ARL5B: variants seen among roughly 807,000 people sequenced by gnomAD.
ARL5B encodes ARF like GTPase 5B, also known as ADP-ribosylation factor-like protein 5B.
In ARL5B, 10 loss-of-function variants were observed where a neutral mutation model predicts 26.9. The ratio of observed to expected loss-of-function variants is 0.37; its 90% CI spans 0.23 to 0.63. ARL5B has a LOEUF of 0.63. Among genes scored for constraint, ARL5B ranks in the 30% least tolerant of loss-of-function variants. The pLI, the probability that ARL5B is intolerant of heterozygous loss-of-function variation, is 0.62. For missense variants in ARL5B, 167 were observed against 213.9 expected (o/e 0.78, Z 1.37); for synonymous variants, 87 against 70.4 (o/e 1.24, Z -1.18).
At position 18,664,687 on chromosome 10, in the gene ARL5B, C is replaced by T. The variant is rs1265303960; in HGVS notation, c.47-1888C>T. On this transcript the variant is annotated intron_variant, in intron 1 of 5. Coordinates refer to ENST00000377275, the MANE Select transcript of ARL5B (RefSeq NM_178815.5). ...TCTCCTGACCTCGTGATCCTCCCAC[C>T]TCGGCCTCCCAAAGTGCTAAGATTA... Among the ~76,000 whole-genome samples the T allele has an allele frequency of 2.0e-5, 3 of 151,982 alleles. 1 individual carries two copies. Among genetic ancestry groups the T allele is most frequent in the Admixed American group, 6.6e-5 (1 of 15,258 alleles).
At chr10:18,675,098 AAAT>A in intron 5 of ARL5B, 67 bp from the exon 6 acceptor site, 2 of 1,463,696 alleles carry the variant, frequency 1.4e-6, no homozygotes, top group East Asian at 2.3e-5. Flanking sequence ...TAAGACCTAA[AAAT>A]AATAAGTACG....
rs1178293653 is a variant in ARL5B at position 18,680,356 on chromosome 10, C to A, written c.*5140C>A. The A allele has an allele frequency of 6.6e-6, 1 of 152,012 alleles. No individual in the cohort carries two copies. The highest frequency in any genetic ancestry group is 1.5e-5 in the Non-Finnish European group (1 of 67,922). The allele number at this position is 152,012 out of a possible 1,614,324, so 9.4% of individuals were successfully genotyped here. ...GATATATGAGATTCACATATGGTTT[C>A]ATTAAAGCACATAGGAAAGTGCTCA... On this transcript the variant is annotated 3_prime_UTR_variant, in exon 6 of 6. Transcript: ENST00000377275.
Position 18,680,680 on chromosome 10 carries a change from T to G in ARL5B, c.*5464T>G, listed in dbSNP as rs1202609214. 2 of 152,172 alleles carry G rather than the reference T, an allele frequency of 1.3e-5. No homozygotes were observed. The highest frequency in any genetic ancestry group is 4.1e-4 in the South Asian group (2 of 4,830). 9.4% of individuals were successfully genotyped at this position (152,172 alleles called of 1,614,324 possible). On this transcript the variant is annotated 3_prime_UTR_variant, in exon 6 of 6. Transcript: ENST00000377275. ...TTTTATTTATGACTTAAAAAAAGTT[T>G]AGCTGCTATTTCAGTGAAAGTGTAA...
intron 1 of ARL5B, among the ~76,000 whole-genome samples, chr10:18,662,180 A>G (rs1364171119): frequency 1.3e-5 from 2 of 152,214 alleles, no homozygotes; most frequent in African/African-American, 4.8e-5. Context: ...CCTCACACCA[A>G]CTAAATTAGA....
chr10:18,659,893 G>GTT, intron 1 of ARL5B: 1 of 985,334 alleles, frequency 1.0e-6, no homozygotes, highest in Non-Finnish European at 1.2e-6. Flanking sequence ...AGAAGAGAAG[G>GTT]TATTTGGCGT....
At chr10:18,662,706 G>GTT (rs567866255) in intron 1 of ARL5B, among the ~76,000 whole-genome samples, 4 of 135,922 alleles carry the variant, frequency 2.9e-5, no homozygotes, top group Non-Finnish European at 3.2e-5. Context: ...TTGTTTGTTT[G>GTT]TTTTTTTTTT....
At chr10:18,674,352 A>G (rs1327769090) in intron 5 of ARL5B, among the ~76,000 whole-genome samples, 1 of 152,256 alleles carries the variant, frequency 6.6e-6, no homozygotes, top group African/African-American at 2.4e-5. Context: ...ATGTTTTACC[A>G]AAAAGCAATA....
rs2059927676 is a variant in ARL5B at position 18,680,446 on chromosome 10, T to C, written c.*5230T>C. On this transcript the variant is annotated 3_prime_UTR_variant, in exon 6 of 6. Coordinates refer to ENST00000377275, the MANE Select transcript of ARL5B (RefSeq NM_178815.5). ...AAATCCTAAATTTGATGGATTCTTT[T>C]ATACTGTGAATATATTTCCATCAGT... is the stretch of plus-strand genomic sequence containing the variant. 6.6e-6 allele frequency: 1 copy of C among 152,252 alleles called. No individual in the cohort carries two copies. Among genetic ancestry groups the C allele is most frequent in the South Asian group, 2.1e-4 (1 of 4,826 alleles). The allele number at this position is 152,252 out of a possible 1,614,324, so 9.4% of individuals were successfully genotyped here.
At chr10:18,674,306 A>G (rs967054475) in intron 5 of ARL5B, among the ~76,000 whole-genome samples, 171 bp downstream of exon 5, 1 of 152,198 alleles carries the variant, frequency 6.6e-6, no homozygotes, top group African/African-American at 2.4e-5. Flanking sequence ...TTCTAGTAAA[A>G]TCACTGGCAA....
intron 3 of ARL5B, among the ~76,000 whole-genome samples, chr10:18,670,289 T>C (rs1400870412): frequency 1.3e-5 from 2 of 152,046 alleles, no homozygotes; most frequent in Non-Finnish European, 1.5e-5. Context: ...TACAGTAAAA[T>C]AATGTTCTGA....
intron 3 of ARL5B, among the ~76,000 whole-genome samples, chr10:18,670,587 G>T (rs1218248289): frequency 6.6e-6 from 1 of 152,170 alleles, no homozygotes; most frequent in Non-Finnish European, 1.5e-5. Context: ...CTCCAGCCTG[G>T]GTGGCAGAGT....
In ARL5B at chr10:18,659,498, G is replaced by A; in HGVS notation, c.-140G>A. On this transcript the variant is annotated 5_prime_UTR_variant, in exon 1 of 6. Coordinates refer to ENST00000377275, the MANE Select transcript of ARL5B (RefSeq NM_178815.5). ...GGCGCCTTCTGAGTGGTCGGGTCGA[G>A]GCTTCTCGGCCTAGCAGTGCCCTCG... is the stretch of plus-strand genomic sequence containing the variant. 9.8e-6 allele frequency: 11 copies of A among 1,127,330 alleles called. No individual in the cohort carries two copies. In the South Asian group the frequency reaches 1.5e-4, roughly 16 times the overall value. The allele number at this position is 1,127,330 out of a possible 1,614,324, so 69.8% of individuals were successfully genotyped here.
Position 18,675,261 on chromosome 10 carries a change from A to G in ARL5B, c.*45A>G, listed in dbSNP as rs544391026. The G allele has an allele frequency of 5.3e-5, 84 of 1,582,858 alleles. No homozygotes were observed. The South Asian group carries it at 7.5e-4, about 14-fold the overall frequency. On this transcript the variant is annotated 3_prime_UTR_variant, in exon 6 of 6. Transcript: ENST00000377275. ...CTGCTCTATTTATTCTGTGACATGA[A>G]CATTTTTTCCTAGTACCTTTGGCTG...
In ARL5B at chr10:18,675,896, G is replaced by T. The variant is rs1287458259; in HGVS notation, c.*680G>T. On this transcript the variant is annotated 3_prime_UTR_variant, in exon 6 of 6. Coordinates refer to ENST00000377275, the MANE Select transcript of ARL5B (RefSeq NM_178815.5). ...GTCCACTCTTCTGCCTGCAACATTT[G>T]TTCAAAAACTAACCAAGGTAAAATA... 6.6e-6 allele frequency: 1 copy of T among 152,024 alleles called. No homozygotes were observed. Among genetic ancestry groups the T allele is most frequent in the Non-Finnish European group, 1.5e-5 (1 of 67,928 alleles). 9.4% of individuals were successfully genotyped at this position (152,024 alleles called of 1,614,324 possible).
At chr10:18,666,972 G>A (rs1191994671) in intron 2 of ARL5B, among the ~76,000 whole-genome samples, 1 of 152,160 alleles carries the variant, frequency 6.6e-6, no homozygotes, top group Admixed American at 6.6e-5. Context: ...ATAGCTCTAG[G>A]AAGCCATTGC....
chr10:18,660,067 T>A (rs2059822819), intron 1 of ARL5B, among the ~76,000 whole-genome samples: 1 of 152,122 alleles, frequency 6.6e-6, no homozygotes, highest in South Asian at 2.1e-4. Flanking sequence ...AGAACTTTTT[T>A]TTTTTTGAGT....
At chr10:18,669,758 C>G (rs959165257) in intron 3 of ARL5B, among the ~76,000 whole-genome samples, 1 of 151,960 alleles carries the variant, frequency 6.6e-6, no homozygotes, top group Admixed American at 6.5e-5. Flanking sequence ...TTTGGGAGGC[C>G]GAGGCGGGTG....
At position 18,668,659 on chromosome 10, in the gene ARL5B, A is replaced by G. The variant is rs779875141; in HGVS notation, c.237A>G (p.Thr79=). Residue 79 remains threonine (T), a synonymous_variant, in exon 3 of 6, where the codon ACA becomes ACG. Coordinates refer to ENST00000377275, the MANE Select transcript of ARL5B (RefSeq NM_178815.5). ...AGTCTCTGCGATCATCCTGGAACAC[A>G]TATTACTCAAATACAGAGGTATGCT... ...GQESLRSSWN[T]YYSNTEFIIL... 5.6e-6 allele frequency: 9 copies of G among 1,614,018 alleles called. No individual in the cohort carries two copies. Among genetic ancestry groups the G allele is most frequent in the Non-Finnish European group, 7.6e-6 (9 of 1,179,998 alleles).
chr10:18,670,134 G>A (rs1394083018), intron 3 of ARL5B, among the ~76,000 whole-genome samples: 2 of 152,116 alleles, frequency 1.3e-5, no homozygotes, highest in Non-Finnish European at 2.9e-5. Flanking sequence ...ATGTGTGTAT[G>A]TGTGTATATA....
Sources: allele counts gnomAD v4.1 joint callset (sites outside exome capture counted in the v4.1 genomes callset), GRCh38; gene constraint gnomAD v4.1.1; transcripts MANE v1.5; gene names NCBI Gene and HGNC (gene_info 2026-07-23, HGNC 2026-07-21).